Variants in VRK2 observed in about 807,000 individuals in gnomAD.
The protein encoded by VRK2 is VRK serine/threonine kinase 2, also known as serine/threonine-protein kinase VRK2.
A neutral mutation model predicts 57.6 loss-of-function variants in VRK2; 60 were observed. The observed-to-expected ratio is 1.04, with a 90% CI of 0.85 to 1.29. The LOEUF (loss-of-function observed/expected upper bound fraction) is 1.29, where lower values mean the gene tolerates loss of function less well. VRK2 is among the 50% of genes most tolerant of loss of function. The pLI is 0.00. For synonymous variants in VRK2, 231 were observed against 199.2 expected, an observed-to-expected ratio of 1.16 and a Z score of -1.35; for missense variants, 705 against 588.1, an observed-to-expected ratio of 1.20 and a Z score of -2.06.
At position 58,051,865 on chromosome 2, in the gene VRK2, G is replaced by C. The variant is rs186385769; in HGVS notation, c.136+2898G>C. 1.5e-3 allele frequency among the ~76,000 whole-genome samples: 233 copies of C among 152,208 alleles called. 1 individual carries two copies. Among genetic ancestry groups the C allele is most frequent in the African/African-American group, 4.3e-3 (178 of 41,524 alleles). Reference sequence around the variant, plus strand: ...GCTAAAAGAGTGAAAAGAAAAGTCTGAATACAAGAACAAAGTCAAAGTTCT... The same window carrying C: ...GCTAAAAGAGTGAAAAGAAAAGTCTCAATACAAGAACAAAGTCAAAGTTCT... On this transcript the variant is annotated intron_variant, in intron 2 of 12. Coordinates refer to ENST00000340157, the MANE Select transcript of VRK2 (RefSeq NM_006296.7).
At chr2:58,154,759 G>T (rs1290497368) in intron 12 of VRK2, 1 of 716,938 alleles carries the variant, frequency 1.4e-6, no homozygotes, top group African/African-American at 1.8e-5. Context: ...TCCAGTTTAG[G>T]TAGAAGCTTA....
chr2:57,917,257 T>A (rs1261795371), intron 1 of VRK2, among the ~76,000 whole-genome samples: 1 of 152,030 alleles, frequency 6.6e-6, no homozygotes, highest in Non-Finnish European at 1.5e-5. Context: ...GCACTAGACC[T>A]ACTCACTCTC....
chr2:58,134,036 G>C (rs527536411), intron 9 of VRK2, among the ~76,000 whole-genome samples: 18 of 152,188 alleles, frequency 1.2e-4, no homozygotes, highest in Admixed American at 1.0e-3. Context: ...GGCATGCTGA[G>C]ACCTTTGAAC....
At chr2:58,095,031 C>T (rs1672929284) in intron 7 of VRK2, among the ~76,000 whole-genome samples, 1 of 152,138 alleles carries the variant, frequency 6.6e-6, no homozygotes. Context: ...CGCGGTGGCT[C>T]ACGCCTGTAA....
chr2:57,963,339 T>G (rs1168861374), intron 1 of VRK2, among the ~76,000 whole-genome samples: 1 of 152,228 alleles, frequency 6.6e-6, no homozygotes, highest in Non-Finnish European at 1.5e-5. Flanking sequence ...CTCAAAAGCA[T>G]ATTTTCAAGA....
At chr2:57,957,562 GTAGATA>G (rs1671624895) in intron 1 of VRK2, among the ~76,000 whole-genome samples, 1 of 147,834 alleles carries the variant, frequency 6.8e-6, no homozygotes, top group Non-Finnish European at 1.5e-5. Flanking sequence ...AAAAGTATAT[GTAGATA>G]TATATACTTA....
chr2:58,136,973 TTA>T (rs1680238465), intron 10 of VRK2, among the ~76,000 whole-genome samples: 1 of 134,954 alleles, frequency 7.4e-6, no homozygotes, highest in East Asian at 2.0e-4. Flanking sequence ...ATATCATATA[TTA>T]TATATCATAT....
intron 1 of VRK2, among the ~76,000 whole-genome samples, chr2:57,995,283 T>A (rs904037330): frequency 2.6e-5 from 4 of 152,142 alleles, no homozygotes; most frequent in African/African-American, 9.7e-5. Flanking sequence ...GTTATGTAGA[T>A]CCTCCATTAC....
Position 58,138,990 on chromosome 2 carries a change from G to A in VRK2, c.857-676G>A, listed in dbSNP as rs751687106. Among the ~76,000 whole-genome samples the A allele has an allele frequency of 5.8e-4, 88 of 152,038 alleles. 1 individual carries two copies. Among genetic ancestry groups the A allele is most frequent in the Non-Finnish European group, 1.2e-3 (80 of 67,980 alleles). ...GTAGTTCCTAACCTTTTTGGGGAAA[G>A]GGGGTTTACTATGTAGTTCTAGGGG... On this transcript the variant is annotated intron_variant, in intron 10 of 12. Transcript: ENST00000340157.
chr2:57,923,189 G>A lies in VRK2; in HGVS notation c.-439+15350G>A, dbSNP rs562007596. On this transcript the variant is annotated intron_variant, in intron 1 of 15. Coordinates refer to the VRK2 transcript ENST00000417641. ...ATGGTGCTGCAATAAACATAGAAGT[G>A]CAGATATCTCTCCTATAAACTGATT... Among the ~76,000 whole-genome samples, 3 of 152,172 alleles carry A rather than the reference G, an allele frequency of 2.0e-5. No homozygotes were observed. The South Asian group carries it at 6.2e-4, about 32-fold the overall frequency.
chr2:57,962,912 G>T (rs763807000), intron 1 of VRK2, among the ~76,000 whole-genome samples: 1 of 152,100 alleles, frequency 6.6e-6, no homozygotes, highest in Non-Finnish European at 1.5e-5. Context: ...CAACAAAATG[G>T]TGGAAAATCG....
rs551726082 is a variant in VRK2, at chr2:58,061,105, A to G, written c.136+12138A>G. ...AGTAAAACTTGGGGGATTTTTTTTA[A>G]GAACTGTAAGTTATGAATGTAGAGT... On this transcript the variant is annotated intron_variant, in intron 2 of 12. Transcript: ENST00000340157. 5.3e-5 allele frequency among the ~76,000 whole-genome samples: 8 copies of G among 152,018 alleles called. No homozygotes were observed. In the South Asian group the frequency reaches 1.4e-3, roughly 28 times the overall value.
At chr2:58,149,815 A>T (rs895802726) in intron 12 of VRK2, among the ~76,000 whole-genome samples, 3 of 151,432 alleles carry the variant, frequency 2.0e-5, no homozygotes, top group African/African-American at 7.3e-5. Context: ...AATTACACTG[A>T]TTTTTAAATG....
chr2:57,988,144 G>A (rs1234227265), intron 1 of VRK2, among the ~76,000 whole-genome samples: 7 of 152,050 alleles, frequency 4.6e-5, no homozygotes, highest in Admixed American at 3.9e-4. Flanking sequence ...AAAAGGGTGT[G>A]TCACTGTAGG....
chr2:58,139,925 G>C, intron 11 of VRK2, 93 bp downstream of exon 11: 1 of 1,321,964 alleles, frequency 7.6e-7, no homozygotes, highest in Non-Finnish European at 1.0e-6. Flanking sequence ...GAGTCTGACA[G>C]CTTTCTTCTT....
At chr2:57,921,460 T>G (rs1314031739) in intron 1 of VRK2, among the ~76,000 whole-genome samples, 1 of 152,052 alleles carries the variant, frequency 6.6e-6, no homozygotes, top group African/African-American at 2.4e-5. Context: ...GGGGATTGTC[T>G]GACAAGGTGA....
Position 58,159,696 on chromosome 2 carries a change from A to ATGAT in VRK2, c.*4_*7dup. On this transcript the variant is annotated 3_prime_UTR_variant, in exon 13 of 13. Transcript: ENST00000340157. ...TTCTTGCTTTATTTTTTCTCTGAAG[A>ATGAT]TGATACCAAAATTCCTTTTGATAAT... The ATGAT allele has an allele frequency of 6.2e-7, 1 of 1,612,448 alleles. No homozygotes were observed. Among genetic ancestry groups the ATGAT allele is most frequent in the Non-Finnish European group, 8.5e-7 (1 of 1,179,390 alleles).
At chr2:58,100,890 T>G (rs938256329) in intron 7 of VRK2, among the ~76,000 whole-genome samples, 7 of 151,812 alleles carry the variant, frequency 4.6e-5, no homozygotes, top group Non-Finnish European at 8.9e-5. Flanking sequence ...ATTTGTTTAT[T>G]AAAGTATTTT....
intron 11 of VRK2, among the ~76,000 whole-genome samples, chr2:58,145,024 T>C (rs1176764745): frequency 6.6e-6 from 1 of 151,964 alleles, no homozygotes; most frequent in Non-Finnish European, 1.5e-5. Context: ...CTTCACTATT[T>C]CCCCTTTGTG....
Sources: gnomAD v4.1 joint callset for allele counts (sites outside exome capture counted in the v4.1 genomes callset) on GRCh38, gnomAD v4.1.1 for gene constraint, MANE v1.5 for transcripts, NCBI Gene and HGNC (gene_info 2026-07-23, HGNC 2026-07-21) for gene names.